VWDE: variants seen among roughly 807,000 people sequenced by gnomAD.
The protein encoded by VWDE is von Willebrand factor D and EGF domain-containing protein.
In VWDE, 207 loss-of-function variants were observed where a neutral mutation model predicts 178.4. The ratio of observed to expected loss-of-function variants is 1.16; its 90% CI spans 1.04 to 1.30. The LOEUF (loss-of-function observed/expected upper bound fraction) is 1.30, where lower values mean the gene tolerates loss of function less well. Ranked by LOEUF, VWDE falls within the 50% of genes most tolerant of loss-of-function variation. VWDE has a pLI of 0.00. For synonymous variants in VWDE, 738 were observed against 651.4 expected, an observed-to-expected ratio of 1.13 and a Z score of -2.02; for missense variants, 2,287 against 1,901.3, an observed-to-expected ratio of 1.20 and a Z score of -3.77.
At position 12,344,454 on chromosome 7, in the gene VWDE, G is replaced by A; in HGVS notation, c.3902C>T (p.Pro1301Leu). Residue 1301 changes from proline (P) to leucine (L), a missense_variant, in exon 20 of 29, where the codon CCA becomes CTA. Physicochemically the swap from Pro to Leu is moderately conservative, Grantham distance 98. Transcript: ENST00000275358. Reference protein sequence around the residue: ...SGNAFTICKYPCGKSRECVAP... With the variant: ...SGNAFTICKYLCGKSRECVAP... ...AACACACTCCCTACTTTTTCCACAT[G>A]GATATTTACAAATGGCTAAAAAAAA... is the stretch of plus-strand genomic sequence containing the variant. 1 of 1,548,832 alleles carries A rather than the reference G, an allele frequency of 6.5e-7. No homozygotes were observed. Among genetic ancestry groups the A allele is most frequent in the South Asian group, 1.2e-5 (1 of 83,444 alleles).
At chr7:12,373,908 G>C (rs1400352932) in intron 9 of VWDE, among the ~76,000 whole-genome samples, 5 of 152,078 alleles carry the variant, frequency 3.3e-5, no homozygotes, top group South Asian at 2.1e-4. Context: ...CGTTAGATCA[G>C]TTCCTTCAGG....
intron 1 of VWDE, among the ~76,000 whole-genome samples, chr7:12,402,397 C>T (rs538514852): frequency 6.6e-6 from 1 of 152,274 alleles, no homozygotes; most frequent in African/African-American, 2.4e-5. Flanking sequence ...TTTACCTCGT[C>T]TTCTAGTTTT....
At chr7:12,343,236 AT>A (rs1340895758) in intron 21 of VWDE, 58 bp from the exon 22 acceptor site, 2 of 1,250,780 alleles carry the variant, frequency 1.6e-6, no homozygotes, top group Non-Finnish European at 2.2e-6. Flanking sequence ...GTCAGTTTAT[AT>A]TTATAAAGCA....
At chr7:12,363,143 G>C (rs1282041674) in intron 13 of VWDE, among the ~76,000 whole-genome samples, 1 of 151,988 alleles carries the variant, frequency 6.6e-6, no homozygotes, top group Non-Finnish European at 1.5e-5. Flanking sequence ...ACTCAAATAA[G>C]ATATAATACA....
intron 27 of VWDE, 67 bp downstream of exon 27, chr7:12,336,074 A>G: frequency 7.4e-7 from 1 of 1,359,918 alleles, no homozygotes; most frequent in Non-Finnish European, 1.0e-6. Context: ...TCCTAAAGCT[A>G]TACTTTAATT....
At position 12,403,754 on chromosome 7, in the gene VWDE, C is replaced by A; in HGVS notation, c.-38G>T. On this transcript the variant is annotated 5_prime_UTR_variant, in exon 1 of 29. Transcript: ENST00000275358. ...AGGTGGGGCGAAAGGCGTCGCAGAGCCCGGGCCGCGGGTGCCAGGAGGATG... is the reference window on the plus strand; with the variant it reads ...AGGTGGGGCGAAAGGCGTCGCAGAGACCGGGCCGCGGGTGCCAGGAGGATG... 6.5e-7 allele frequency: 1 copy of A among 1,548,582 alleles called. No homozygotes were observed. Among genetic ancestry groups the A allele is most frequent in the Non-Finnish European group, 8.7e-7 (1 of 1,145,282 alleles).
chr7:12,388,877 A>G (rs954274980), intron 3 of VWDE: 1 of 658,004 alleles, frequency 1.5e-6, no homozygotes, highest in Non-Finnish European at 2.9e-6. Context: ...ACACTCAATC[A>G]TTATGTCCAG....
At chr7:12,398,066 C>A (rs986799050) in intron 1 of VWDE, among the ~76,000 whole-genome samples, 1 of 152,068 alleles carries the variant, frequency 6.6e-6, no homozygotes, top group Non-Finnish European at 1.5e-5. Flanking sequence ...TGGGTATATA[C>A]CCAGGGAAAA....
At chr7:12,396,746 T>A (rs530709498) in intron 1 of VWDE, among the ~76,000 whole-genome samples, 63 of 140,930 alleles carry the variant, frequency 4.5e-4, no homozygotes, top group Middle Eastern at 7.2e-3. Flanking sequence ...AGAAACCCCA[T>A]CTCTACTTAA....
intron 1 of VWDE, among the ~76,000 whole-genome samples, chr7:12,398,107 T>C (rs1374638378): frequency 6.6e-6 from 1 of 152,158 alleles, no homozygotes; most frequent in Admixed American, 6.6e-5. Context: ...ACACATGTAC[T>C]GGTACGTTCA....
At chr7:12,341,367 CT>C (rs2128546494) in intron 23 of VWDE, among the ~76,000 whole-genome samples, 1 of 152,286 alleles carries the variant, frequency 6.6e-6, no homozygotes, top group African/African-American at 2.4e-5. Flanking sequence ...GGCGCAGTGG[CT>C]CACGCTTGTA....
Position 12,339,328 on chromosome 7 carries a change from GT to G in VWDE, c.4366+993del, listed in dbSNP as rs550880835. ...CTTCAAGTAGCATGAAAGATGTAAC[GT>G]TTTCATTTCCTTCCTTACATTCTCC... On this transcript the variant is annotated intron_variant, in intron 24 of 28. Coordinates refer to ENST00000275358, the MANE Select transcript of VWDE (RefSeq NM_001135924.3). Among the ~76,000 whole-genome samples, 210 of 152,208 alleles carry G rather than the reference GT, an allele frequency of 1.4e-3. 1 individual carries two copies. Among genetic ancestry groups the G allele is most frequent in the Non-Finnish European group, 2.6e-3 (180 of 67,966 alleles).
At position 12,344,229 on chromosome 7, in the gene VWDE, A is replaced by G. The variant is rs1045952861; in HGVS notation, c.4044T>C (p.Cys1348=). 26 of 1,551,324 alleles carry G rather than the reference A, an allele frequency of 1.7e-5. No homozygotes were observed. In the African/African-American group the frequency reaches 2.6e-4, roughly 15 times the overall value. Residue 1348 remains cysteine (C), a synonymous_variant, in exon 21 of 29, where the codon TGT becomes TGC. Coordinates refer to ENST00000275358, the MANE Select transcript of VWDE (RefSeq NM_001135924.3). The part of the protein sequence containing the change: ...GKCIKPNICQ[C]LPGHGGATCD... ...AGGTTGCTCCACCATGTCCTGGAAG[A>G]CACTGACAAATGTTAGGCTTAATAC... is the stretch of plus-strand genomic sequence containing the variant.
intron 7 of VWDE, 61 bp downstream of exon 7, chr7:12,377,715 G>T: frequency 8.7e-7 from 1 of 1,144,506 alleles, no homozygotes; most frequent in Non-Finnish European, 1.2e-6. Context: ...TTTTCCTACA[G>T]GAAAAAAAAG....
At chr7:12,365,765 G>C (rs1011465044) in intron 13 of VWDE, among the ~76,000 whole-genome samples, 1 of 152,104 alleles carries the variant, frequency 6.6e-6, no homozygotes, top group Non-Finnish European at 1.5e-5. Flanking sequence ...CCAGCACTGG[G>C]CAAGACTGGC....
rs576477991 is a variant in VWDE, at chr7:12,369,699, C to G, written c.2607G>C (p.Glu869Asp). 14 of 1,551,536 alleles carry G rather than the reference C, an allele frequency of 9.0e-6. No individual in the cohort carries two copies. Among genetic ancestry groups the G allele is most frequent in the Non-Finnish European group, 1.2e-5 (14 of 1,146,930 alleles). ...ENECEKRIVE[E>D]GKYNTEEYGT... The stretch of plus-strand genomic sequence containing the variant: ...CATACTCTTCTGTGTTATATTTCCC[C>G]TCCTCCACAATCCTCTTTTCACATT... Residue 869 changes from glutamate to aspartate, a missense_variant, in exon 12 of 29, where the codon GAG becomes GAC. Coordinates refer to ENST00000275358, the MANE Select transcript of VWDE (RefSeq NM_001135924.3).
At chr7:12,379,248 G>A (rs778636333) in intron 6 of VWDE, among the ~76,000 whole-genome samples, 10 of 152,164 alleles carry the variant, frequency 6.6e-5, no homozygotes, top group Non-Finnish European at 4.4e-5. Context: ...TCTAATTTGA[G>A]CTATTTCTTT....
chr7:12,393,889 A>AT (rs1162357151), intron 1 of VWDE, 111 bp from the exon 2 acceptor site: 1 of 893,816 alleles, frequency 1.1e-6, no homozygotes, highest in African/African-American at 1.7e-5. Context: ...TAAACTCACT[A>AT]TTGCACATAA....
At position 12,361,478 on chromosome 7, in the gene VWDE, T is replaced by A. The variant is rs1782576127; in HGVS notation, c.2942A>T (p.Gln981Leu). The stretch of plus-strand genomic sequence containing the variant: ...AGCTCTGCTATTGTGGAAAACAGTC[T>A]GTGTATAGATGGGTTCTCCAGGCAT... ...EWMPGEPIYT[Q>L]TVFHNSRAVD... The change falls in exon 14 of 29, where the codon CAG becomes CTG. Residue 981 changes from glutamine to leucine, a missense_variant. Coordinates refer to ENST00000275358, the MANE Select transcript of VWDE (RefSeq NM_001135924.3). The A allele has an allele frequency of 1.3e-6, 2 of 1,550,924 alleles. No individual in the cohort carries two copies. Among genetic ancestry groups the A allele is most frequent in the Non-Finnish European group, 1.7e-6 (2 of 1,146,520 alleles).
Sources: gnomAD v4.1 joint callset for allele counts (sites outside exome capture counted in the v4.1 genomes callset) on GRCh38, gnomAD v4.1.1 for gene constraint, MANE v1.5 for transcripts, NCBI Gene and HGNC (gene_info 2026-07-23, HGNC 2026-07-21) for gene names.